The following RYR2 variants were observed in gnomAD, a reference collection of about 807,000 sequenced individuals.
RYR2 encodes ryanodine receptor 2.
Under a neutral mutation model 601.1 loss-of-function variants are expected in RYR2, and 227 were observed. The observed-to-expected ratio is 0.38, with a 90% CI of 0.34 to 0.42. RYR2 has a LOEUF of 0.42. RYR2 is among the 10% of genes least tolerant of loss of function. RYR2 has a pLI of 1.00. For synonymous variants in RYR2, 2,223 were observed against 2,175.1 expected (o/e 1.02, Z -0.61); for missense variants, 4,646 against 6,156.5 (o/e 0.75, Z 8.21).
chr1:237,221,071 G>A (rs1683754009), intron 1 of RYR2, among the ~76,000 whole-genome samples: 2 of 152,064 alleles, frequency 1.3e-5, no homozygotes, highest in South Asian at 4.1e-4. Context: ...ACTCCAGCCT[G>A]GGTGACAGAG....
chr1:237,593,771 A>AT, intron 33 of RYR2, 135 bp downstream of exon 33: 1 of 930,680 alleles, frequency 1.1e-6, no homozygotes, highest in Non-Finnish European at 1.6e-6. Context: ...ATTAATGTCA[A>AT]TGTCGTTTTT....
intron 50 of RYR2, 79 bp from the exon 51 acceptor site, chr1:237,651,332 A>G: frequency 2.0e-6 from 2 of 977,202 alleles, no homozygotes; most frequent in Admixed American, 4.0e-5. Context: ...TCCTTGGCTG[A>G]TATAATTTAT....
intron 84 of RYR2, among the ~76,000 whole-genome samples, chr1:237,770,137 G>A (rs2149308306): frequency 6.6e-6 from 1 of 152,210 alleles, no homozygotes; most frequent in South Asian, 2.1e-4. Flanking sequence ...ACCAAAGTCT[G>A]TCTTTTGGTT....
chr1:237,138,363 G>A (rs1673029580), intron 1 of RYR2, among the ~76,000 whole-genome samples: 2 of 152,110 alleles, frequency 1.3e-5, no homozygotes, highest in African/African-American at 4.8e-5. Flanking sequence ...CCCTGAAGGT[G>A]TTTTATTACT....
At chr1:237,808,862 A>C (rs373668729) in intron 99 of RYR2, 39 bp from the exon 100 acceptor site, 7 of 1,609,880 alleles carry the variant, frequency 4.3e-6, no homozygotes, top group Non-Finnish European at 5.1e-6. Context: ...TGTATGTCCT[A>C]CATTTCTAAT....
intron 1 of RYR2, among the ~76,000 whole-genome samples, chr1:237,186,086 C>T (rs1679309880): frequency 6.6e-6 from 1 of 152,166 alleles, no homozygotes; most frequent in South Asian, 2.1e-4. Context: ...GCTGATTTTT[C>T]CCTTGAAACC....
chr1:237,348,643 A>G (rs1400592995), intron 3 of RYR2, among the ~76,000 whole-genome samples: 4 of 152,182 alleles, frequency 2.6e-5, no homozygotes, highest in South Asian at 2.1e-4. Flanking sequence ...GGAGGAAGAA[A>G]CAGAATTAGC....
Position 237,674,041 on chromosome 1 carries a change from A to C in RYR2, c.8591-55A>C, listed in dbSNP as rs1300177942. ...TGGTCCAATTATATATCTGTGTCTC[A>C]TCTCAGATTCTTTTCAAATTACTAT... is the stretch of plus-strand genomic sequence containing the variant. On this transcript the variant is annotated intron_variant, in intron 58 of 104. Transcript: ENST00000366574. The C allele has an allele frequency of 2.8e-6, 4 of 1,445,446 alleles. No homozygotes were observed. In the South Asian group the frequency reaches 4.9e-5, roughly 18 times the overall value. The allele number at this position is 1,445,446 out of a possible 1,614,324, so 89.5% of individuals were successfully genotyped here.
chr1:237,416,926 T>C, intron 10 of RYR2, 123 bp from the exon 11 acceptor site: 1 of 771,506 alleles, frequency 1.3e-6, no homozygotes, highest in South Asian at 1.5e-5. Flanking sequence ...CAAAAAAGTA[T>C]AACTTTAACT....
chr1:237,657,890 A>T, intron 53 of RYR2, 54 bp from the exon 54 acceptor site: 1 of 975,202 alleles, frequency 1.0e-6, no homozygotes, highest in Non-Finnish European at 1.5e-6. Context: ...TATTAATATG[A>T]TTTCCTGTAA....
intron 21 of RYR2, 50 bp from the exon 22 acceptor site, chr1:237,503,239 C>CT: frequency 6.7e-7 from 1 of 1,501,836 alleles, no homozygotes; most frequent in Non-Finnish European, 9.1e-7. Context: ...AATTAGAAAA[C>CT]TTTAATGTAC....
chr1:237,683,735 A>G (rs1375944604), intron 62 of RYR2, among the ~76,000 whole-genome samples: 5 of 152,172 alleles, frequency 3.3e-5, no homozygotes, highest in Non-Finnish European at 5.9e-5. Flanking sequence ...AAAGCTTTTT[A>G]TGTGAAAGAA....
intron 29 of RYR2, 76 bp from the exon 30 acceptor site, chr1:237,589,717 C>G: frequency 7.0e-7 from 1 of 1,432,276 alleles, no homozygotes; most frequent in Middle Eastern, 1.8e-4. Flanking sequence ...GGTCCTGGAA[C>G]AATATGTTTG....
At chr1:237,739,895 G>A (rs191230955) in intron 79 of RYR2, among the ~76,000 whole-genome samples, 4 of 152,264 alleles carry the variant, frequency 2.6e-5, no homozygotes, top group East Asian at 3.9e-4. Flanking sequence ...TTATGTATTC[G>A]TGCTGCCAGT....
chr1:237,499,806 C>T (rs1558924923), intron 20 of RYR2, among the ~76,000 whole-genome samples: 1 of 152,126 alleles, frequency 6.6e-6, no homozygotes, highest in African/African-American at 2.4e-5. Context: ...TTTGTCTTTG[C>T]TCAAGTTGAA....
chr1:237,716,308 CAA>C (rs1689259530), intron 71 of RYR2, among the ~76,000 whole-genome samples: 1 of 151,696 alleles, frequency 6.6e-6, no homozygotes, highest in South Asian at 2.1e-4. Context: ...CTCAATAGCC[CAA>C]GACTATTACA....
chr1:237,790,316 T>TCCAAATA (rs1658220578), intron 92 of RYR2, among the ~76,000 whole-genome samples: 1 of 152,092 alleles, frequency 6.6e-6, no homozygotes, highest in South Asian at 2.1e-4. Flanking sequence ...TCTCAGTTGT[T>TCCAAATA]CCAAATACAT....
intron 1 of RYR2, among the ~76,000 whole-genome samples, chr1:237,099,445 C>G (rs1667840530): frequency 6.6e-6 from 1 of 152,066 alleles, no homozygotes; most frequent in Admixed American, 6.5e-5. Flanking sequence ...GCTATGTTGT[C>G]TAGGTTGGTC....
At chr1:237,241,840 A>C (rs931415524) in intron 1 of RYR2, among the ~76,000 whole-genome samples, 6 of 152,150 alleles carry the variant, frequency 3.9e-5, no homozygotes, top group African/African-American at 1.4e-4. Context: ...GAGTGCCTTT[A>C]GCATGCTGAT....
Sources: allele counts gnomAD v4.1 joint callset (sites outside exome capture counted in the v4.1 genomes callset), GRCh38; gene constraint gnomAD v4.1.1; transcripts MANE v1.5; gene names NCBI Gene and HGNC (gene_info 2026-07-23, HGNC 2026-07-21).